The following SSB variants were observed in gnomAD, a reference collection of about 807,000 sequenced individuals.
The protein encoded by SSB is small RNA binding exonuclease protection factor La, also known as lupus La protein.
Under a neutral mutation model 52.9 loss-of-function variants are expected in SSB, and 17 were observed. The ratio of observed to expected loss-of-function variants is 0.32; its 90% CI spans 0.22 to 0.48. The LOEUF (loss-of-function observed/expected upper bound fraction) is 0.48, where lower values mean the gene tolerates loss of function less well. Ranked by LOEUF, SSB falls within the 20% of genes least tolerant of loss-of-function variation. SSB has a pLI of 0.99. For missense variants in SSB, 314 were observed against 463.6 expected, an observed-to-expected ratio of 0.68 and a Z score of 2.96; for synonymous variants, 111 against 152.1, an observed-to-expected ratio of 0.73 and a Z score of 1.99.
rs1017672550 is a variant in SSB, at chr2:169,800,904, G to C, written c.-9-48G>C. On this transcript the variant is annotated intron_variant, in intron 1 of 11. Transcript: ENST00000260956. ...TTGTAAACATTATCTTTCTATTCTT[G>C]AGTTTTATATAAAAAATAACTTTAT... is the stretch of plus-strand genomic sequence containing the variant. 4.4e-6 allele frequency: 6 copies of C among 1,367,356 alleles called. No individual in the cohort carries two copies. The East Asian group carries it at 7.2e-5, about 16-fold the overall frequency. The allele number at this position is 1,367,356 out of a possible 1,614,324, so 84.7% of individuals were successfully genotyped here. A position where few individuals can be genotyped will look rare whatever the true frequency, so the allele number is the denominator to read the frequency against.
intron 4 of SSB, 45 bp from the exon 5 acceptor site, chr2:169,806,740 G>T (rs776112495): frequency 7.0e-7 from 1 of 1,436,544 alleles, no homozygotes; most frequent in East Asian, 2.3e-5. Flanking sequence ...GTTTATCTGA[G>T]AAGTCATTAT....
chr2:169,804,032 C>T lies in SSB; in HGVS notation c.67-1442C>T, dbSNP rs543936936. On this transcript the variant is annotated intron_variant, in intron 2 of 11. Coordinates refer to ENST00000260956, the MANE Select transcript of SSB (RefSeq NM_003142.5). ...GGGATTATGGGCTTGGGCCACCGTG[C>T]GAGGCCAATAAAATATCCTTTAACT... Among the ~76,000 whole-genome samples, 123 of 152,166 alleles carry T rather than the reference C, an allele frequency of 8.1e-4. 1 individual carries two copies. In the Middle Eastern group the frequency reaches 0.017, roughly 21 times the overall value.
At chr2:169,807,941 T>C (rs1313827773) in intron 6 of SSB, among the ~76,000 whole-genome samples, 1 of 152,038 alleles carries the variant, frequency 6.6e-6, no homozygotes, top group East Asian at 1.9e-4. Context: ...TTGATTGACT[T>C]AGAGATGCAC....
chr2:169,810,443 C>G lies in SSB; in HGVS notation c.810+20C>G, dbSNP rs764960722. The stretch of plus-strand genomic sequence containing the variant: ...AAAGAGGTTTGGATACATCCCTATC[C>G]TTTTTAGCAATCAGTTTGAAAATCT... On this transcript the variant is annotated intron_variant, in intron 9 of 11. Coordinates refer to ENST00000260956, the MANE Select transcript of SSB (RefSeq NM_003142.5). The G allele has an allele frequency of 1.1e-5, 18 of 1,570,248 alleles. No homozygotes were observed. The highest frequency in any genetic ancestry group is 3.7e-5 in the South Asian group (3 of 80,736).
In SSB at chr2:169,800,972, T is replaced by C. The variant is rs75071267; in HGVS notation, c.12T>C (p.Asn4=). The C allele has an allele frequency of 1.6e-3, 2,598 of 1,595,520 alleles. 42 individuals carry two copies. The African/African-American group carries it at 0.029, about 18-fold the overall frequency. The change falls in exon 2 of 12, where the codon AAT becomes AAC. Residue 4 remains asparagine, a synonymous_variant. Coordinates refer to ENST00000260956, the MANE Select transcript of SSB (RefSeq NM_003142.5). ...TACAGATAGCCGCAATGGCTGAAAA[T>C]GGTGATAATGAAAAGATGGCTGCCC... The part of the protein sequence containing the change: MAE[N]GDNEKMAALE...
intron 8 of SSB, among the ~76,000 whole-genome samples, chr2:169,809,622 T>C (rs2105703750): frequency 6.6e-6 from 1 of 152,126 alleles, no homozygotes; most frequent in African/African-American, 2.4e-5. Context: ...AATTTTTTTT[T>C]TTCTTTTTTT....
intron 2 of SSB, among the ~76,000 whole-genome samples, chr2:169,803,359 G>C (rs115393649): frequency 6.6e-6 from 1 of 151,964 alleles, no homozygotes; most frequent in Non-Finnish European, 1.5e-5. Context: ...CCACCTTCCA[G>C]GTTCCTCAGC....
intron 6 of SSB, among the ~76,000 whole-genome samples, chr2:169,807,637 T>G (rs1345838799): frequency 1.3e-5 from 2 of 151,586 alleles, no homozygotes; most frequent in Non-Finnish European, 2.9e-5. Flanking sequence ...TGATTTTGCA[T>G]CTAAAACTTT....
At chr2:169,809,833 C>T (rs754730046) in intron 8 of SSB, among the ~76,000 whole-genome samples, 2 of 151,852 alleles carry the variant, frequency 1.3e-5, no homozygotes, top group South Asian at 4.2e-4. Flanking sequence ...AGCCAGGATG[C>T]TCTCGATCTC....
At chr2:169,810,152 C>T (rs569934569) in intron 8 of SSB, 131 bp from the exon 9 acceptor site, 117 of 473,012 alleles carry the variant, frequency 2.5e-4, no homozygotes, top group African/African-American at 2.1e-3. Context: ...GCTGCCCCGG[C>T]GGAAGAAACT....
chr2:169,808,697 A>G (rs1018931793), intron 7 of SSB, 144 bp downstream of exon 7: 14 of 1,008,358 alleles, frequency 1.4e-5, no homozygotes, highest in Non-Finnish European at 2.1e-5. Context: ...TGACAATCTC[A>G]GGGCCAAATT....
rs115393649 is a variant in SSB, at chr2:169,803,359, G to T, written c.67-2115G>T. On this transcript the variant is annotated intron_variant, in intron 2 of 11. Transcript: ENST00000260956. ...GGCTCACCACAACCTCCACCTTCCA[G>T]GTTCCTCAGCTTCCCAAGTAGCTAG... Among the ~76,000 whole-genome samples, 240 of 152,082 alleles carry T rather than the reference G, an allele frequency of 1.6e-3. No individual in the cohort carries two copies. In the Middle Eastern group the frequency reaches 0.02, roughly 13 times the overall value.
intron 1 of SSB, chr2:169,799,590 A>G (rs1413975363): frequency 6.6e-6 from 1 of 152,152 alleles, no homozygotes; most frequent in African/African-American, 2.4e-5. Context: ...AATTAGGCCA[A>G]ATAGGTTTTG....
Position 169,810,860 on chromosome 2 carries a change from G to T in SSB, c.813G>T (p.Gly271=), listed in dbSNP as rs774790209. Residue 271 remains glycine (G), a splice_region_variant and synonymous_variant, in exon 10 of 12, where the codon GGG becomes GGT. Coordinates refer to ENST00000260956, the MANE Select transcript of SSB (RefSeq NM_003142.5). The part of the protein sequence containing the change: ...WIDFVRGAKE[G]IILFKEKAKE... ...TTTGTTTTCTGTCTCTGGTATAGGG[G>T]ATAATTCTATTTAAAGAAAAAGCCA... 6.2e-7 allele frequency: 1 copy of T among 1,605,546 alleles called. No individual in the cohort carries two copies. Among genetic ancestry groups the T allele is most frequent in the Non-Finnish European group, 8.5e-7 (1 of 1,177,856 alleles).
intron 7 of SSB, 148 bp downstream of exon 7, chr2:169,808,701 C>T: frequency 1.0e-6 from 1 of 997,364 alleles, no homozygotes; most frequent in Non-Finnish European, 1.5e-6. Context: ...AATCTCAGGG[C>T]CAAATTGCAT....
At chr2:169,809,282 G>A (rs1404558402) in intron 8 of SSB, among the ~76,000 whole-genome samples, 1 of 152,226 alleles carries the variant, frequency 6.6e-6, no homozygotes, top group African/African-American at 2.4e-5. Flanking sequence ...GTGGGAGGCT[G>A]AGGCAGGAGA....
At chr2:169,803,792 C>G (rs1278626875) in intron 2 of SSB, among the ~76,000 whole-genome samples, 1 of 151,592 alleles carries the variant, frequency 6.6e-6, no homozygotes, top group Admixed American at 6.6e-5. Flanking sequence ...GGCTGGAGTA[C>G]AGTGGCGGTG....
In SSB at chr2:169,801,022, T is replaced by C; in HGVS notation, c.62T>C (p.Ile21Thr). ...CTGGAGGCCAAAATCTGTCATCAAA[T>C]TGAGGTATGATTCCTGTGCTATAAA... is the stretch of plus-strand genomic sequence containing the variant. ...AALEAKICHQ[I>T]EYYFGDFNLP... Residue 21 changes from isoleucine (I) to threonine (T), a missense_variant, in exon 2 of 12, where the codon ATT (isoleucine) becomes ACT (threonine). Physicochemically the swap from Ile to Thr is moderately conservative, Grantham distance 89. Transcript: ENST00000260956. 1 of 1,599,674 alleles carries C rather than the reference T, an allele frequency of 6.3e-7. No individual in the cohort carries two copies. The highest frequency in any genetic ancestry group is 1.7e-4 in the Middle Eastern group (1 of 6,006).
intron 4 of SSB, 179 bp downstream of exon 4, chr2:169,806,018 T>C: frequency 1.4e-6 from 1 of 693,620 alleles, no homozygotes; most frequent in African/African-American, 1.8e-5. Flanking sequence ...TTGCTCACGT[T>C]GGAGTGCAGT....
Sources: allele counts gnomAD v4.1 joint callset (sites outside exome capture counted in the v4.1 genomes callset), GRCh38; gene constraint gnomAD v4.1.1; transcripts MANE v1.5; gene names NCBI Gene and HGNC (gene_info 2026-07-23, HGNC 2026-07-21).